Variants in ARIH1 observed in about 807,000 individuals in gnomAD.
ARIH1 encodes the protein E3 ubiquitin-protein ligase ARIH1.
In ARIH1, 8 loss-of-function variants were observed where a neutral mutation model predicts 85.0. The ratio of observed to expected loss-of-function variants is 0.09; its 90% CI spans 0.06 to 0.17. The LOEUF is 0.17. Among genes scored for constraint, ARIH1 ranks in the 10% least tolerant of loss-of-function variants. The probability of loss-of-function intolerance (pLI) is 1.00; values close to 1 mark genes in which losing one functional copy is unlikely to be tolerated. For missense variants in ARIH1, 311 were observed against 718.1 expected (o/e 0.43, Z 6.48); for synonymous variants, 238 against 253.6 (o/e 0.94, Z 0.59).
In ARIH1 at chr15:72,597,624, A is replaced by G. The variant is rs2064368096; in HGVS notation, c.*14332A>G. 1 of 151,918 alleles carries G rather than the reference A, an allele frequency of 6.6e-6. No individual in the cohort carries two copies. Among genetic ancestry groups the G allele is most frequent in the Non-Finnish European group, 1.5e-5 (1 of 67,982 alleles). The allele number at this position is 151,918 out of a possible 1,614,324, so 9.4% of individuals were successfully genotyped here. On this transcript the variant is annotated 3_prime_UTR_variant, in exon 14 of 14. Coordinates refer to ENST00000379887, the MANE Select transcript of ARIH1 (RefSeq NM_005744.5). ...GCCTCCCCTTTCATTTTTAAAGGGT[A>G]TTTTGCCCTTGGGAGAAGTCAAGCT... is the stretch of plus-strand genomic sequence containing the variant.
intron 10 of ARIH1, among the ~76,000 whole-genome samples, chr15:72,571,543 G>A (rs2064247200): frequency 6.6e-6 from 1 of 151,996 alleles, no homozygotes. Context: ...CCACCATTCT[G>A]TATATCATGC....
In ARIH1 at chr15:72,601,675, A is replaced by G. The variant is rs1478142479; in HGVS notation, c.*18383A>G. 6.6e-6 allele frequency: 1 copy of G among 151,928 alleles called. No individual in the cohort carries two copies. The highest frequency in any genetic ancestry group is 2.4e-5 in the African/African-American group (1 of 41,340). The allele number at this position is 151,928 out of a possible 1,614,324, so 9.4% of individuals were successfully genotyped here. ...CCATTGTTTGTTCTAACTGTTCTAT[A>G]TTTCTCCTTCTTAGCATTTATCACA... is the stretch of plus-strand genomic sequence containing the variant. On this transcript the variant is annotated 3_prime_UTR_variant, in exon 14 of 14. Transcript: ENST00000379887.
rs1313101658 is a variant in ARIH1, at chr15:72,590,494, A to C, written c.*7202A>C. ...AGTCACTCTAGCATTTTAATGAGTT[A>C]AGCAAGCCAGCCCTGCATTTCCAAA... On this transcript the variant is annotated 3_prime_UTR_variant, in exon 14 of 14. Coordinates refer to ENST00000379887, the MANE Select transcript of ARIH1 (RefSeq NM_005744.5). The C allele has an allele frequency of 6.6e-6, 1 of 152,244 alleles. No individual in the cohort carries two copies. The highest frequency in any genetic ancestry group is 1.9e-4 in the East Asian group (1 of 5,194). 9.4% of individuals were successfully genotyped at this position (152,244 alleles called of 1,614,324 possible).
At chr15:72,519,847 T>C (rs936980377) in intron 2 of ARIH1, among the ~76,000 whole-genome samples, 5 of 152,156 alleles carry the variant, frequency 3.3e-5, no homozygotes, top group Non-Finnish European at 5.9e-5. Context: ...TTCAGGTTTT[T>C]TTATTTGATG....
At chr15:72,576,399 C>T (rs1234368965) in intron 11 of ARIH1, among the ~76,000 whole-genome samples, 1 of 150,070 alleles carries the variant, frequency 6.7e-6, no homozygotes, top group Non-Finnish European at 1.5e-5. Context: ...CCACCTACTC[C>T]AGAGGCTGAG....
chr15:72,486,437 G>A (rs560006319), intron 1 of ARIH1, among the ~76,000 whole-genome samples: 1 of 152,052 alleles, frequency 6.6e-6, no homozygotes, highest in Admixed American at 6.5e-5. Flanking sequence ...AACATAGCAT[G>A]TATAAGTTCG....
chr15:72,543,245 T>C (rs1377811659), intron 2 of ARIH1, among the ~76,000 whole-genome samples: 1 of 151,976 alleles, frequency 6.6e-6, no homozygotes, highest in Non-Finnish European at 1.5e-5. Flanking sequence ...TAATCCCAGC[T>C]ACTCGGGAGG....
intron 2 of ARIH1, among the ~76,000 whole-genome samples, chr15:72,544,553 TACACACACAC>T (rs3028479): frequency 2.0e-5 from 3 of 149,376 alleles, no homozygotes; most frequent in East Asian, 3.9e-4. Flanking sequence ...TTTACATACA[TACACACACAC>T]ACACACACAC....
chr15:72,544,783 TTGC>T lies in ARIH1; in HGVS notation c.444-34_444-32del, dbSNP rs745378017. 3.2e-6 allele frequency: 5 copies of T among 1,580,706 alleles called. No homozygotes were observed. The Admixed American group carries it at 8.7e-5, about 27-fold the overall frequency. On this transcript the variant is annotated intron_variant, in intron 2 of 13. Transcript: ENST00000379887. ...TTGGAGAGCTCTAACAGTGTGCAAG[TTGC>T]TGGGCTCTTATCCTTTCTGTTTAAA...
intron 11 of ARIH1, among the ~76,000 whole-genome samples, chr15:72,578,325 G>A (rs986866511): frequency 6.6e-6 from 1 of 152,190 alleles, no homozygotes; most frequent in African/African-American, 2.4e-5. Flanking sequence ...GACATCTTCA[G>A]TGGTGCTCTC....
chr15:72,514,703 TA>T lies in ARIH1; in HGVS notation c.376-3353del, dbSNP rs879898295. On this transcript the variant is annotated intron_variant, in intron 1 of 13. Transcript: ENST00000379887. ...TGGACGACAAAGCAAGACCTTGTCT[TA>T]AAAAAAAAAAGAGGATTTTGGCCAG... Among the ~76,000 whole-genome samples the T allele has an allele frequency of 4.9e-3, 668 of 135,628 alleles. 5 individuals carry two copies. Among genetic ancestry groups the T allele is most frequent in the African/African-American group, 0.016 (588 of 36,606 alleles). 89.0% of individuals were successfully genotyped at this position (135,628 alleles called of 152,430 possible). A position where few individuals can be genotyped will look rare whatever the true frequency, so the allele number is the denominator to read the frequency against.
At chr15:72,527,593 T>C (rs1001016773) in intron 2 of ARIH1, among the ~76,000 whole-genome samples, 1 of 152,202 alleles carries the variant, frequency 6.6e-6, no homozygotes, top group African/African-American at 2.4e-5. Flanking sequence ...AAATTCATTT[T>C]TCTGCTGCCT....
intron 11 of ARIH1, among the ~76,000 whole-genome samples, chr15:72,579,374 G>GC (rs973639967): frequency 1.7e-5 from 2 of 115,196 alleles, no homozygotes; most frequent in African/African-American, 6.8e-5. Context: ...TTCAGTGGTT[G>GC]GGGGGGGAGC....
At chr15:72,519,982 T>A (rs1037640375) in intron 2 of ARIH1, among the ~76,000 whole-genome samples, 1 of 152,220 alleles carries the variant, frequency 6.6e-6, no homozygotes, top group Non-Finnish European at 1.5e-5. Flanking sequence ...TTTTATCCTA[T>A]AACACTGCTG....
rs2064356828 is a variant in ARIH1, at chr15:72,594,808, CTTCTTTTTT to C, written c.*11519_*11527del. The C allele has an allele frequency of 2.4e-5, 1 of 41,014 alleles. No individual in the cohort carries two copies. Among genetic ancestry groups the C allele is most frequent in the Non-Finnish European group, 4.5e-5 (1 of 22,276 alleles). The allele number at this position is 41,014 out of a possible 1,614,324, so 2.5% of individuals were successfully genotyped here. On this transcript the variant is annotated 3_prime_UTR_variant, in exon 14 of 14. Transcript: ENST00000379887. Reference sequence around the variant, plus strand: ...TTCTTTTTCTGATTTTATGCCTTTTCTTCTTTTTTTTTTTTTTTTTTTTTTTTTTTGTCT... The same window carrying C: ...TTCTTTTTCTGATTTTATGCCTTTTCTTTTTTTTTTTTTTTTTTTTTGTCT...
chr15:72,558,258 T>C (rs1166282428), intron 5 of ARIH1, among the ~76,000 whole-genome samples: 1 of 152,174 alleles, frequency 6.6e-6, no homozygotes, highest in Admixed American at 6.5e-5. Flanking sequence ...TGTTGGACTT[T>C]ATTGAAAGCT....
intron 2 of ARIH1, among the ~76,000 whole-genome samples, chr15:72,524,880 A>G (rs1171558274): frequency 6.6e-6 from 1 of 152,098 alleles, no homozygotes; most frequent in African/African-American, 2.4e-5. Flanking sequence ...GACTCTTAGT[A>G]GGATTTCTCT....
chr15:72,527,718 T>G (rs1181500848), intron 2 of ARIH1, among the ~76,000 whole-genome samples: 1 of 152,184 alleles, frequency 6.6e-6, no homozygotes, highest in African/African-American at 2.4e-5. Context: ...TTACTGTCTT[T>G]TTTCCTAATT....
intron 6 of ARIH1, among the ~76,000 whole-genome samples, chr15:72,563,133 C>T (rs1595870856): frequency 6.6e-6 from 1 of 152,214 alleles, no homozygotes; most frequent in Non-Finnish European, 1.5e-5. Flanking sequence ...TCTCTGCAGC[C>T]TCTACTTCCT....
Sources: allele counts gnomAD v4.1 joint callset (sites outside exome capture counted in the v4.1 genomes callset), GRCh38; gene constraint gnomAD v4.1.1; transcripts MANE v1.5; gene names NCBI Gene and HGNC (gene_info 2026-07-23, HGNC 2026-07-21).